KCNAB1: variants seen among roughly 807,000 people sequenced by gnomAD.
KCNAB1 encodes the protein voltage-gated potassium channel subunit beta-1.
Under a neutral mutation model 64.6 loss-of-function variants are expected in KCNAB1, and 35 were observed. The observed-to-expected ratio is 0.54, with a 90% CI of 0.41 to 0.72. The LOEUF (loss-of-function observed/expected upper bound fraction) is 0.72, where lower values mean the gene tolerates loss of function less well. Ranked by LOEUF, KCNAB1 falls within the 30% of genes least tolerant of loss-of-function variation. The pLI, the probability that KCNAB1 is intolerant of heterozygous loss-of-function variation, is 0.00. For missense variants in KCNAB1, 401 were observed against 512.9 expected, an observed-to-expected ratio of 0.78 and a Z score of 2.11; for synonymous variants, 177 against 183.8, an observed-to-expected ratio of 0.96 and a Z score of 0.30.
At chr3:156,322,550 A>G (rs1722729227) in intron 1 of KCNAB1, among the ~76,000 whole-genome samples, 1 of 152,236 alleles carries the variant, frequency 6.6e-6, no homozygotes. Flanking sequence ...AGGAGGTTGT[A>G]TGCAAATACT....
At chr3:156,220,264 C>T (rs944438532) in intron 1 of KCNAB1, among the ~76,000 whole-genome samples, 1 of 152,182 alleles carries the variant, frequency 6.6e-6, no homozygotes, top group African/African-American at 2.4e-5. Flanking sequence ...AATGGTATTT[C>T]TAGTTCTAGA....
intron 1 of KCNAB1, among the ~76,000 whole-genome samples, chr3:156,246,816 C>T (rs923221079): frequency 6.6e-6 from 1 of 152,036 alleles, no homozygotes; most frequent in African/African-American, 2.4e-5. Context: ...TGATCAGGAA[C>T]AGGCAAGGTA....
At chr3:156,354,120 G>GTATACATATATATATA (rs1725061288) in intron 1 of KCNAB1, among the ~76,000 whole-genome samples, 1 of 132,562 alleles carries the variant, frequency 7.5e-6, no homozygotes, top group Non-Finnish European at 1.6e-5. Flanking sequence ...ATGTGTGTGT[G>GTATACATATATATATA]TATATATATA....
At chr3:156,360,681 C>T (rs1045659133) in intron 1 of KCNAB1, among the ~76,000 whole-genome samples, 1 of 151,486 alleles carries the variant, frequency 6.6e-6, no homozygotes, top group East Asian at 1.9e-4. Context: ...TTCCATTGCA[C>T]TCAGCCTGGG....
chr3:156,342,591 T>C (rs1485527581), intron 1 of KCNAB1, among the ~76,000 whole-genome samples: 144 of 133,680 alleles, frequency 1.1e-3, no homozygotes, highest in Non-Finnish European at 1.5e-3. Context: ...GTTTCTTTTT[T>C]TTTTTTTTTT....
intron 1 of KCNAB1, among the ~76,000 whole-genome samples, chr3:156,379,161 C>T (rs1485624135): frequency 2.0e-5 from 3 of 152,154 alleles, no homozygotes; most frequent in East Asian, 1.9e-4. Flanking sequence ...GTGACGATCC[C>T]GCTGAGAAGA....
At chr3:156,198,180 C>T (rs182026895) in intron 1 of KCNAB1, among the ~76,000 whole-genome samples, 2 of 152,262 alleles carry the variant, frequency 1.3e-5, no homozygotes, top group African/African-American at 4.8e-5. Flanking sequence ...TATTCTTTTG[C>T]ATTTGCTGAG....
At chr3:156,467,701 C>T (rs1021499621) in intron 7 of KCNAB1, among the ~76,000 whole-genome samples, 1 of 152,056 alleles carries the variant, frequency 6.6e-6, no homozygotes. Context: ...AATTAAAATA[C>T]ACAACTTAAC....
intron 1 of KCNAB1, among the ~76,000 whole-genome samples, chr3:156,182,705 T>TTA (rs1314786990): frequency 8.0e-5 from 12 of 150,386 alleles, no homozygotes; most frequent in African/African-American, 1.7e-4. Flanking sequence ...ATTTTTTTTT[T>TTA]TTTTTTTTAT....
chr3:156,195,729 C>G (rs372705758), intron 1 of KCNAB1, among the ~76,000 whole-genome samples: 2 of 152,096 alleles, frequency 1.3e-5, no homozygotes, highest in Non-Finnish European at 1.5e-5. Flanking sequence ...TTCTTCCATT[C>G]TGTAGATTGC....
At chr3:156,126,193 C>A (rs555664082) in intron 1 of KCNAB1, among the ~76,000 whole-genome samples, 4 of 152,172 alleles carry the variant, frequency 2.6e-5, no homozygotes, top group African/African-American at 9.6e-5. Flanking sequence ...CTAACAGCAT[C>A]CTTCAAAGTT....
intron 1 of KCNAB1, among the ~76,000 whole-genome samples, chr3:156,192,077 T>G (rs564910414): frequency 1.3e-5 from 2 of 152,360 alleles, no homozygotes; most frequent in African/African-American, 4.8e-5. Context: ...AAACTGAGTT[T>G]GAATTTTATA....
chr3:156,219,695 T>C (rs947832401), intron 1 of KCNAB1, among the ~76,000 whole-genome samples: 2 of 146,740 alleles, frequency 1.4e-5, no homozygotes, highest in Non-Finnish European at 3.0e-5. Context: ...AAGGAATCTT[T>C]TTATTATTAT....
At chr3:156,200,811 G>A (rs564765360) in intron 1 of KCNAB1, among the ~76,000 whole-genome samples, 58 of 152,196 alleles carry the variant, frequency 3.8e-4, no homozygotes, top group Non-Finnish European at 7.1e-4. Context: ...CTTTTCCAGC[G>A]GAGTGAATGG....
At chr3:156,364,827 A>G (rs924373769) in intron 1 of KCNAB1, among the ~76,000 whole-genome samples, 1 of 152,162 alleles carries the variant, frequency 6.6e-6, no homozygotes, top group Non-Finnish European at 1.5e-5. Flanking sequence ...TGCAACACAA[A>G]TAAGCACAGA....
At chr3:156,190,178 A>G (rs979178515) in intron 1 of KCNAB1, among the ~76,000 whole-genome samples, 32 of 152,244 alleles carry the variant, frequency 2.1e-4, no homozygotes, top group African/African-American at 7.7e-4. Flanking sequence ...ACATCTTCCT[A>G]AAGCATTTGA....
At chr3:156,379,248 G>C (rs1348109479) in intron 1 of KCNAB1, among the ~76,000 whole-genome samples, 3 of 152,188 alleles carry the variant, frequency 2.0e-5, no homozygotes, top group Admixed American at 6.5e-5. Flanking sequence ...TGCAAGCTCT[G>C]TTCCAGGTGC....
chr3:156,395,012 A>G (rs913004303), intron 1 of KCNAB1, among the ~76,000 whole-genome samples: 2 of 152,222 alleles, frequency 1.3e-5, no homozygotes, highest in Admixed American at 6.5e-5. Context: ...ATTCTATTTC[A>G]TATAACCTTC....
chr3:156,247,073 A>G (rs1297323683), intron 1 of KCNAB1, among the ~76,000 whole-genome samples: 1 of 152,214 alleles, frequency 6.6e-6, no homozygotes, highest in Non-Finnish European at 1.5e-5. Flanking sequence ...ACTGGGAAAA[A>G]AAAACTAGTG....
Sources: gnomAD v4.1 joint callset for allele counts (sites outside exome capture counted in the v4.1 genomes callset) on GRCh38, gnomAD v4.1.1 for gene constraint, MANE v1.5 for transcripts, NCBI Gene and HGNC (gene_info 2026-07-23, HGNC 2026-07-21) for gene names.